SLC24A2: variants seen among roughly 807,000 people sequenced by gnomAD.
The protein encoded by SLC24A2 is solute carrier family 24 member 2.
Under a neutral mutation model 62.0 loss-of-function variants are expected in SLC24A2, and 36 were observed. The observed-to-expected ratio is 0.58, with a 90% confidence interval of 0.44 to 0.77. The LOEUF (loss-of-function observed/expected upper bound fraction) is 0.77, where lower values mean the gene tolerates loss of function less well. Among genes scored for constraint, SLC24A2 ranks in the 30% least tolerant of loss-of-function variants. The probability of loss-of-function intolerance (pLI) is 0.00; values close to 1 mark genes in which losing one functional copy is unlikely to be tolerated. For missense variants in SLC24A2, 846 were observed against 817.9 expected (o/e 1.03, Z -0.42); for synonymous variants, 358 against 294.0 (o/e 1.22, Z -2.23).
intron 2 of SLC24A2, among the ~76,000 whole-genome samples, chr9:19,707,164 G>A (rs1366780475): frequency 2.0e-5 from 3 of 151,542 alleles, no homozygotes; most frequent in Non-Finnish European, 4.4e-5. Context: ...AGAAGAAATG[G>A]ATAAATTCCT....
At chr9:20,143,239 G>A in the SLC24A2 span, among the ~76,000 whole-genome samples, 1 of 152,180 alleles carries the variant, frequency 6.6e-6, no homozygotes, top group Non-Finnish European at 1.5e-5. Flanking sequence ...GGAATGATGA[G>A]CCTTTGCCAA....
At chr9:19,544,682 C>G (rs574703938) in intron 8 of SLC24A2, among the ~76,000 whole-genome samples, 2 of 152,286 alleles carry the variant, frequency 1.3e-5, no homozygotes, top group East Asian at 1.9e-4. Flanking sequence ...TTCTCCTTCA[C>G]TTACGAAACT....
intron 10 of SLC24A2, among the ~76,000 whole-genome samples, chr9:19,518,993 G>T (rs1005131759): frequency 2.0e-5 from 3 of 152,084 alleles, no homozygotes; most frequent in South Asian, 2.1e-4. Flanking sequence ...AATTAAAAGA[G>T]GAGGTTTTTC....
intron 5 of SLC24A2, among the ~76,000 whole-genome samples, chr9:19,584,244 C>G (rs1209554950): frequency 8.5e-6 from 1 of 117,596 alleles, no homozygotes; most frequent in Admixed American, 9.4e-5. Flanking sequence ...CAAGTTAGTA[C>G]AAGTCACAAA....
At chr9:19,820,754 T>C in the SLC24A2 span, among the ~76,000 whole-genome samples, 1 of 151,944 alleles carries the variant, frequency 6.6e-6, no homozygotes, top group Admixed American at 6.6e-5. Flanking sequence ...GGGATTACAT[T>C]GCTGAGTAAA....
intron 2 of SLC24A2, among the ~76,000 whole-genome samples, chr9:19,780,034 G>A (rs1292649522): frequency 1.3e-5 from 2 of 152,098 alleles, no homozygotes; most frequent in Non-Finnish European, 2.9e-5. Flanking sequence ...CTGCACTCCA[G>A]CCAGGGCGAC....
At chr9:19,838,078 C>T in the SLC24A2 span, among the ~76,000 whole-genome samples, 2,473 of 151,922 alleles carry the variant, frequency 0.016, 70 homozygotes, top group African/African-American at 0.057. Context: ...CTTTAAAGTT[C>T]ATATGGAACC....
At chr9:19,643,288 C>G (rs1401652037) in intron 2 of SLC24A2, among the ~76,000 whole-genome samples, 1 of 152,178 alleles carries the variant, frequency 6.6e-6, no homozygotes, top group Admixed American at 6.5e-5. Flanking sequence ...ACTGAACTAT[C>G]TGCAGAGATC....
At chr9:19,923,914 A>G in the SLC24A2 span, among the ~76,000 whole-genome samples, 1 of 152,206 alleles carries the variant, frequency 6.6e-6, no homozygotes, top group Non-Finnish European at 1.5e-5. Flanking sequence ...TGTCTGGCTA[A>G]TTTTTGTATT....
the SLC24A2 span, among the ~76,000 whole-genome samples, chr9:20,074,289 C>T: frequency 6.6e-5 from 10 of 152,040 alleles, no homozygotes; most frequent in South Asian, 2.1e-3. Flanking sequence ...CTTTCATTTT[C>T]TAACATTATC....
the SLC24A2 span, among the ~76,000 whole-genome samples, chr9:20,273,197 G>A: frequency 0.017 from 2,538 of 152,282 alleles, 33 homozygotes; most frequent in East Asian, 0.035. Context: ...AGAAGACAGC[G>A]TAAGCAGAAA....
the SLC24A2 span, among the ~76,000 whole-genome samples, chr9:20,141,846 G>A: frequency 6.6e-6 from 1 of 152,130 alleles, no homozygotes; most frequent in Admixed American, 6.5e-5. Context: ...CATTTGAGAG[G>A]CCAAGGCAGG....
chr9:19,888,286 A>T, the SLC24A2 span, among the ~76,000 whole-genome samples: 1 of 152,310 alleles, frequency 6.6e-6, no homozygotes, highest in East Asian at 1.9e-4. Context: ...AGTAGGTGCA[A>T]ATGACTTGAA....
At chr9:20,192,979 G>T in the SLC24A2 span, among the ~76,000 whole-genome samples, 1 of 152,056 alleles carries the variant, frequency 6.6e-6, no homozygotes, top group African/African-American at 2.4e-5. Flanking sequence ...TTTATTTGAA[G>T]AACCCCCCAG....
At chr9:20,176,986 T>C in the SLC24A2 span, among the ~76,000 whole-genome samples, 9 of 152,094 alleles carry the variant, frequency 5.9e-5, no homozygotes, top group Non-Finnish European at 1.3e-4. Flanking sequence ...TAGCAATATT[T>C]ATTAACACAG....
At chr9:19,674,391 C>T (rs1819505481) in intron 2 of SLC24A2, among the ~76,000 whole-genome samples, 2 of 152,102 alleles carry the variant, frequency 1.3e-5, no homozygotes, top group Admixed American at 1.3e-4. Flanking sequence ...CTTTGAGCTT[C>T]TTGTATTTAG....
At chr9:19,759,374 G>C (rs535105904) in intron 2 of SLC24A2, among the ~76,000 whole-genome samples, 11 of 152,274 alleles carry the variant, frequency 7.2e-5, no homozygotes, top group Non-Finnish European at 1.2e-4. Flanking sequence ...GATTGGACCA[G>C]ATAAGATCAA....
the SLC24A2 span, among the ~76,000 whole-genome samples, chr9:19,882,353 A>C: frequency 2.0e-5 from 3 of 152,180 alleles, no homozygotes. Flanking sequence ...TTATTTGCTT[A>C]TTAAGCATTG....
intron 2 of SLC24A2, among the ~76,000 whole-genome samples, chr9:19,623,072 AC>A (rs1564003094): frequency 6.6e-6 from 1 of 152,210 alleles, no homozygotes; most frequent in Non-Finnish European, 1.5e-5. Context: ...CGCAACTCAG[AC>A]AAGGGGGCAG....
Sources: gnomAD v4.1 joint callset for allele counts (sites outside exome capture counted in the v4.1 genomes callset) on GRCh38, gnomAD v4.1.1 for gene constraint, MANE v1.5 for transcripts, NCBI Gene and HGNC (gene_info 2026-07-23, HGNC 2026-07-21) for gene names.